Variants in UNC5D observed in about 807,000 individuals in gnomAD.
UNC5D encodes the protein netrin receptor UNC5D.
In UNC5D, 39 loss-of-function variants were observed where a neutral mutation model predicts 105.4. The observed-to-expected ratio is 0.37, with a 90% CI of 0.29 to 0.48. UNC5D has a LOEUF of 0.48. Among genes scored for constraint, UNC5D ranks in the 20% least tolerant of loss-of-function variants. The pLI is 0.98. For missense variants in UNC5D, 991 were observed against 1,202.4 expected, an observed-to-expected ratio of 0.82 and a Z score of 2.60; for synonymous variants, 452 against 450.4, an observed-to-expected ratio of 1.00 and a Z score of -0.04.
chr8:35,673,209 G>C (rs916934623), intron 4 of UNC5D, among the ~76,000 whole-genome samples: 3 of 152,192 alleles, frequency 2.0e-5, no homozygotes, highest in Admixed American at 1.3e-4. Context: ...GGGGAAACAT[G>C]ATAGTACTGT....
chr8:35,410,796 G>T (rs537039565), intron 1 of UNC5D, among the ~76,000 whole-genome samples: 1 of 151,994 alleles, frequency 6.6e-6, no homozygotes, highest in African/African-American at 2.4e-5. Context: ...ATGTGGAAGC[G>T]TGGAGCCCCC....
chr8:35,325,230 A>AT (rs1210877510), intron 1 of UNC5D, among the ~76,000 whole-genome samples: 4 of 152,152 alleles, frequency 2.6e-5, no homozygotes, highest in African/African-American at 9.7e-5. Context: ...TTTAAACGTG[A>AT]TTTTTAAAGC....
chr8:35,564,658 A>G (rs564060084), intron 2 of UNC5D, among the ~76,000 whole-genome samples: 1 of 152,156 alleles, frequency 6.6e-6, no homozygotes, highest in African/African-American at 2.4e-5. Context: ...GATGAATTGT[A>G]TACTAGTGAA....
intron 1 of UNC5D, among the ~76,000 whole-genome samples, chr8:35,274,106 A>C (rs1364586302): frequency 6.6e-6 from 1 of 152,148 alleles, no homozygotes; most frequent in Non-Finnish European, 1.5e-5. Flanking sequence ...AAGAATCTCA[A>C]ATCTTGTCTT....
intron 4 of UNC5D, among the ~76,000 whole-genome samples, chr8:35,640,989 C>G (rs1822675152): frequency 6.6e-6 from 1 of 151,914 alleles, no homozygotes; most frequent in African/African-American, 2.4e-5. Flanking sequence ...GAGAACATCC[C>G]TTTTCTTGGT....
intron 1 of UNC5D, among the ~76,000 whole-genome samples, chr8:35,286,981 C>A (rs115163256): frequency 1.3e-5 from 2 of 152,202 alleles, no homozygotes; most frequent in Non-Finnish European, 2.9e-5. Context: ...CAAAGTTCAG[C>A]TAGTGGTTTC....
rs577499361 is a variant in UNC5D at position 35,262,246 on chromosome 8, A to G, written c.103+26359A>G. Among the ~76,000 whole-genome samples, 3 of 152,298 alleles carry G rather than the reference A, an allele frequency of 2.0e-5. No individual in the cohort carries two copies. The South Asian group carries it at 6.2e-4, about 32-fold the overall frequency. On this transcript the variant is annotated intron_variant, in intron 1 of 16. Transcript: ENST00000404895. ...AAATGAAAAGAGCTTCTCCAATAAG[A>G]GTTCCTTCTCCTCTAGAGTCATTTC... is the stretch of plus-strand genomic sequence containing the variant.
At chr8:35,584,495 G>A (rs1012455626) in intron 3 of UNC5D, among the ~76,000 whole-genome samples, 3 of 152,032 alleles carry the variant, frequency 2.0e-5, no homozygotes, top group African/African-American at 7.2e-5. Context: ...GCTCACTGTG[G>A]CTTCCAACTC....
At chr8:35,241,474 T>C (rs541153419) in intron 1 of UNC5D, among the ~76,000 whole-genome samples, 133 of 152,210 alleles carry the variant, frequency 8.7e-4, no homozygotes, top group African/African-American at 3.1e-3. Flanking sequence ...GTGATAGAAA[T>C]ATGAGGGTTG....
In UNC5D at chr8:35,722,334, C is replaced by T. The variant is rs2131536958; in HGVS notation, c.1242C>T (p.Val414=). The change falls in exon 9 of 17, where the codon GTC becomes GTT. Residue 414 remains valine, a synonymous_variant. Transcript: ENST00000404895. ...GCCAGAGTGACTATGGCGTGGACGT[C>T]ATTGACTCTTCTGCATTGACAGGTG... The part of the protein sequence containing the change: ...RRSQSDYGVD[V]IDSSALTGGF... The T allele has an allele frequency of 1.1e-5, 18 of 1,614,158 alleles. No individual in the cohort carries two copies. Among genetic ancestry groups the T allele is most frequent in the Non-Finnish European group, 1.5e-5 (18 of 1,180,014 alleles).
At chr8:35,613,338 G>A (rs1820815617) in intron 4 of UNC5D, among the ~76,000 whole-genome samples, 1 of 152,210 alleles carries the variant, frequency 6.6e-6, no homozygotes, top group African/African-American at 2.4e-5. Flanking sequence ...GCCTCCCCAA[G>A]TGCTGGGATT....
intron 4 of UNC5D, among the ~76,000 whole-genome samples, chr8:35,637,907 G>A (rs1249474789): frequency 1.3e-5 from 2 of 151,984 alleles, no homozygotes; most frequent in Admixed American, 6.6e-5. Context: ...CCCATGTGCC[G>A]GCCAACATAC....
At chr8:35,588,335 A>T (rs1818932845) in intron 3 of UNC5D, among the ~76,000 whole-genome samples, 1 of 152,146 alleles carries the variant, frequency 6.6e-6, no homozygotes, top group South Asian at 2.1e-4. Context: ...GAGCATATGT[A>T]TATATGTTTA....
chr8:35,421,873 A>G (rs1422349650), intron 1 of UNC5D, among the ~76,000 whole-genome samples: 2 of 152,206 alleles, frequency 1.3e-5, no homozygotes, highest in Non-Finnish European at 2.9e-5. Flanking sequence ...AACTCATCAT[A>G]TCTACCGACC....
chr8:35,639,931 C>T (rs1222070384), intron 4 of UNC5D, among the ~76,000 whole-genome samples: 1 of 151,648 alleles, frequency 6.6e-6, no homozygotes, highest in Non-Finnish European at 1.5e-5. Flanking sequence ...TCATTTATTG[C>T]CCAGTCTGGT....
intron 7 of UNC5D, among the ~76,000 whole-genome samples, chr8:35,702,754 G>A (rs1004325221): frequency 3.3e-5 from 5 of 152,086 alleles, no homozygotes; most frequent in African/African-American, 1.2e-4. Flanking sequence ...TTCCTGTCAA[G>A]GTACTGTTGT....
intron 1 of UNC5D, among the ~76,000 whole-genome samples, chr8:35,263,560 AAAT>A (rs1474470126): frequency 2.0e-5 from 3 of 152,134 alleles, no homozygotes; most frequent in Non-Finnish European, 2.9e-5. Context: ...GCACCTGACT[AAAT>A]AATTTTTGTT....
intron 3 of UNC5D, among the ~76,000 whole-genome samples, chr8:35,572,071 G>A (rs1427135416): frequency 6.6e-6 from 1 of 152,034 alleles, no homozygotes; most frequent in Non-Finnish European, 1.5e-5. Context: ...TGGAATGCTC[G>A]AGCCTAGGAG....
chr8:35,681,569 C>T (rs1462880694), intron 4 of UNC5D, among the ~76,000 whole-genome samples: 1 of 152,138 alleles, frequency 6.6e-6, no homozygotes, highest in Non-Finnish European at 1.5e-5. Context: ...GGTTCCATTG[C>T]CCTACTTTGT....
Sources: allele counts gnomAD v4.1 joint callset (sites outside exome capture counted in the v4.1 genomes callset), GRCh38; gene constraint gnomAD v4.1.1; transcripts MANE v1.5; gene names NCBI Gene and HGNC (gene_info 2026-07-23, HGNC 2026-07-21).